Variants in ERCC6 observed in about 807,000 individuals in gnomAD.
ERCC6 encodes DNA excision repair protein ERCC-6.
In ERCC6, 116 loss-of-function variants were observed where a neutral mutation model predicts 158.7. The observed-to-expected ratio is 0.73, with a 90% CI of 0.63 to 0.85. The LOEUF is 0.85. Ranked by LOEUF, ERCC6 falls within the 40% of genes least tolerant of loss-of-function variation. The pLI, the probability that ERCC6 is intolerant of heterozygous loss-of-function variation, is 0.00. For synonymous variants in ERCC6, 678 were observed against 659.3 expected (o/e 1.03, Z -0.43); for missense variants, 1,698 against 1,799.4 (o/e 0.94, Z 1.02).
chr10:49,476,847 T>G (rs986618092), intron 11 of ERCC6, among the ~76,000 whole-genome samples: 2 of 152,000 alleles, frequency 1.3e-5, no homozygotes, highest in Non-Finnish European at 2.9e-5. Flanking sequence ...CTTCGCAAAG[T>G]CCACCACCGC....
chr10:49,484,609 G>A (rs1381299115), intron 8 of ERCC6, among the ~76,000 whole-genome samples: 1 of 152,120 alleles, frequency 6.6e-6, no homozygotes, highest in African/African-American at 2.4e-5. Flanking sequence ...GCATGGTGGT[G>A]CACAGCTGCA....
rs371140923 is a variant in ERCC6 at position 49,475,055 on chromosome 10, TG to T, written c.2383-814del. ...AATGATCTGAATAAGTCAGGAACAT[TG>T]GTAAACCTCCCCAGAGTCATCCGTG... is the stretch of plus-strand genomic sequence containing the variant. On this transcript the variant is annotated intron_variant, in intron 12 of 20. Transcript: ENST00000355832. Among the ~76,000 whole-genome samples the T allele has an allele frequency of 1.2e-4, 18 of 152,280 alleles. 1 individual carries two copies. The highest frequency in any genetic ancestry group is 4.1e-4 in the African/African-American group (17 of 41,558).
At chr10:49,477,060 G>A (rs1001625562) in intron 11 of ERCC6, among the ~76,000 whole-genome samples, 1 of 152,072 alleles carries the variant, frequency 6.6e-6, no homozygotes, top group African/African-American at 2.4e-5. Context: ...CTGCTCCAGG[G>A]GGTCCTCTAC....
In ERCC6 at chr10:49,521,363, C is replaced by T. The variant is rs139777593; in HGVS notation, c.1397+2670G>A. Among the ~76,000 whole-genome samples, 83 of 152,314 alleles carry T rather than the reference C, an allele frequency of 5.4e-4. No individual in the cohort carries two copies. The South Asian group carries it at 0.011, about 20-fold the overall frequency. ...GTACTAGGTAAGCAGCATGTAGGTG[C>T]TCACCGGGAACCCACATCACTCAAA... is the stretch of plus-strand genomic sequence containing the variant. On this transcript the variant is annotated intron_variant, in intron 5 of 20. Transcript: ENST00000355832.
intron 8 of ERCC6, among the ~76,000 whole-genome samples, chr10:49,489,800 T>A (rs1423510265): frequency 1.3e-5 from 2 of 152,234 alleles, no homozygotes; most frequent in Non-Finnish European, 2.9e-5. Context: ...TGTCACCACC[T>A]ACTGTGAGTT....
At position 49,482,800 on chromosome 10, in the gene ERCC6, A is replaced by G. The variant is rs1429901538; in HGVS notation, c.2056T>C (p.Trp686Arg). The G allele has an allele frequency of 6.2e-7, 1 of 1,613,870 alleles. No individual in the cohort carries two copies. The highest frequency in any genetic ancestry group is 1.3e-5 in the African/African-American group (1 of 74,868). Residue 686 changes from tryptophan (W) to arginine (R), a missense_variant, in exon 10 of 21, where the codon TGG becomes CGG. Coordinates refer to ENST00000355832, the MANE Select transcript of ERCC6 (RefSeq NM_000124.4). ...SPMQNNLRELWSLFDFIFPGK... is the reference protein window; with the variant it reads ...SPMQNNLRELRSLFDFIFPGK... ...GGGAAGATGAAGTCAAAGAGCGACC[A>G]CAGCTCTCGGAGGTTATTTTGCATC...
the ERCC6 span, among the ~76,000 whole-genome samples, chr10:49,448,476 C>A: frequency 6.6e-6 from 1 of 152,150 alleles, no homozygotes; most frequent in African/African-American, 2.4e-5. Flanking sequence ...CCATATAACT[C>A]ATTTATTTCA....
the ERCC6 span, among the ~76,000 whole-genome samples, chr10:49,445,988 C>T: frequency 1.3e-5 from 2 of 152,108 alleles, no homozygotes; most frequent in African/African-American, 4.8e-5. Context: ...TAGTGGGGGA[C>T]TTATCCTCCC....
intron 5 of ERCC6, among the ~76,000 whole-genome samples, chr10:49,517,635 T>A (rs1041650229): frequency 6.6e-6 from 1 of 152,140 alleles, no homozygotes; most frequent in Non-Finnish European, 1.5e-5. Flanking sequence ...TTCTTTTTTT[T>A]TTTTCTCTCA....
chr10:49,524,697 T>A lies in ERCC6; in HGVS notation c.733A>T (p.Met245Leu), dbSNP rs748181487. The stretch of plus-strand genomic sequence containing the variant: ...GGGATCTGGGTACCAAAAGGTGTCA[T>A]CTGGCCAGTGCGGATGAGCTCTTCC... Reference protein sequence around the residue: ...AWEELIRTGQMTPFGTQIPQK... With the variant: ...AWEELIRTGQLTPFGTQIPQK... Residue 245 changes from methionine to leucine, a missense_variant, in exon 5 of 21, where the codon ATG becomes TTG. Coordinates refer to ENST00000355832, the MANE Select transcript of ERCC6 (RefSeq NM_000124.4). The A allele has an allele frequency of 3.7e-6, 6 of 1,611,586 alleles. No individual in the cohort carries two copies. Among genetic ancestry groups the A allele is most frequent in the Non-Finnish European group, 4.2e-6 (5 of 1,180,024 alleles).
Position 49,473,020 on chromosome 10 carries a change from G to T in ERCC6, c.2718C>A (p.Ser906=). The T allele has an allele frequency of 1.2e-6, 2 of 1,614,068 alleles. No homozygotes were observed. The highest frequency in any genetic ancestry group is 1.7e-6 in the Non-Finnish European group (2 of 1,180,018). The part of the protein sequence containing the change: ...PLITRYNEDT[S]IFVFLLTTRV... ...GCGTGGTCAGAAGAAACACAAATATGGATGTGTCCTAGAGGTAAGACACAC... is the reference window on the plus strand; with the variant it reads ...GCGTGGTCAGAAGAAACACAAATATTGATGTGTCCTAGAGGTAAGACACAC... Residue 906 remains serine (S), a synonymous_variant, in exon 15 of 21, where the codon TCC becomes TCA. Coordinates refer to ENST00000355832, the MANE Select transcript of ERCC6 (RefSeq NM_000124.4).
At chr10:49,499,454 T>C (rs1183426815) in intron 7 of ERCC6, among the ~76,000 whole-genome samples, 1 of 152,242 alleles carries the variant, frequency 6.6e-6, no homozygotes, top group East Asian at 1.9e-4. Context: ...GCTGATGAGC[T>C]GGAGAGTAGG....
At chr10:49,512,039 C>T (rs184830255) in intron 5 of ERCC6, among the ~76,000 whole-genome samples, 15 of 152,240 alleles carry the variant, frequency 9.9e-5, no homozygotes, top group African/African-American at 2.9e-4. Context: ...TAACAGTTGG[C>T]AGATTACACA....
At chr10:49,439,069 T>G in the ERCC6 span, among the ~76,000 whole-genome samples, 1 of 152,296 alleles carries the variant, frequency 6.6e-6, no homozygotes, top group East Asian at 1.9e-4. Flanking sequence ...TGTTGGTGCA[T>G]CTACCATTCT....
At chr10:49,464,897 C>T (rs1231123858) in intron 18 of ERCC6, among the ~76,000 whole-genome samples, 1 of 152,258 alleles carries the variant, frequency 6.6e-6, no homozygotes, top group African/African-American at 2.4e-5. Context: ...GCAGGGTTCT[C>T]ATGGAGAATC....
chr10:49,442,667 CTG>C, the ERCC6 span, among the ~76,000 whole-genome samples: 245 of 152,326 alleles, frequency 1.6e-3, 1 homozygote, highest in Non-Finnish European at 2.8e-3. Context: ...GCACATCACA[CTG>C]TGCTTGGTTG....
At chr10:49,486,166 CT>C (rs1326946157) in intron 8 of ERCC6, among the ~76,000 whole-genome samples, 1 of 152,158 alleles carries the variant, frequency 6.6e-6, no homozygotes, top group Non-Finnish European at 1.5e-5. Flanking sequence ...GCCCTTAGAG[CT>C]GTCAAAATGA....
In ERCC6 at chr10:49,524,573, T is replaced by A. The variant is rs778562892; in HGVS notation, c.857A>T (p.Lys286Met). Residue 286 changes from lysine (K) to methionine (M), a missense_variant, in exon 5 of 21, where the codon AAG becomes ATG. Transcript: ENST00000355832. ...ADQAKLSFER[K>M]KQGCNKRAAR... ...TGCTCTTTTATTACAACCTTGCTTC[T>A]TCCTTTCAAAAGACAGTTTTGCTTG... The A allele has an allele frequency of 6.2e-7, 1 of 1,614,252 alleles. No homozygotes were observed.
intron 5 of ERCC6, among the ~76,000 whole-genome samples, chr10:49,520,037 C>T (rs1837109688): frequency 6.6e-6 from 1 of 152,222 alleles, no homozygotes; most frequent in African/African-American, 2.4e-5. Context: ...CTGCCAGGCC[C>T]TCCCCTGTGT....
Sources: gnomAD v4.1 joint callset for allele counts (sites outside exome capture counted in the v4.1 genomes callset) on GRCh38, gnomAD v4.1.1 for gene constraint, MANE v1.5 for transcripts, NCBI Gene and HGNC (gene_info 2026-07-23, HGNC 2026-07-21) for gene names.